XKR6: variants seen among roughly 807,000 people sequenced by gnomAD.
XKR6 encodes XK related 6.
Under a neutral mutation model 56.7 loss-of-function variants are expected in XKR6, and 22 were observed. The ratio of observed to expected loss-of-function variants is 0.39; its 90% CI spans 0.28 to 0.55. The LOEUF (loss-of-function observed/expected upper bound fraction) is 0.55. XKR6 is among the 20% of genes least tolerant of loss of function. The probability of loss-of-function intolerance (pLI) is 0.66; values close to 1 mark genes in which losing one functional copy is unlikely to be tolerated. For synonymous variants in XKR6, 524 were observed against 387.8 expected (o/e 1.35, Z -4.13); for missense variants, 852 against 889.0 (o/e 0.96, Z 0.53).
chr8:11,159,209 T>C (rs1330966018), intron 1 of XKR6, among the ~76,000 whole-genome samples: 1 of 152,226 alleles, frequency 6.6e-6, no homozygotes, highest in African/African-American at 2.4e-5. Flanking sequence ...CCCAATTCTT[T>C]GGGGTCTCAA....
intron 1 of XKR6, among the ~76,000 whole-genome samples, chr8:11,179,996 G>A (rs540461352): frequency 6.6e-6 from 1 of 152,060 alleles, no homozygotes; most frequent in African/African-American, 2.4e-5. Flanking sequence ...AAAAACAGCT[G>A]GGCATGGTGG....
intron 1 of XKR6, among the ~76,000 whole-genome samples, chr8:11,034,057 T>C (rs1469307772): frequency 6.6e-6 from 1 of 152,184 alleles, no homozygotes; most frequent in African/African-American, 2.4e-5. Flanking sequence ...GTGCCAACTG[T>C]CTGCAAAGCA....
chr8:11,019,819 G>A (rs1460299991), intron 1 of XKR6, among the ~76,000 whole-genome samples: 2 of 152,222 alleles, frequency 1.3e-5, no homozygotes, highest in Non-Finnish European at 2.9e-5. Flanking sequence ...CTCAGAAGCT[G>A]TGGCCTCTGA....
chr8:10,959,471 G>C (rs1431452336), intron 1 of XKR6, among the ~76,000 whole-genome samples: 2 of 152,170 alleles, frequency 1.3e-5, no homozygotes, highest in East Asian at 3.8e-4. Context: ...CTGGAGTCTG[G>C]GAAGTCTGAG....
intron 1 of XKR6, among the ~76,000 whole-genome samples, chr8:10,958,925 G>T (rs563000242): frequency 2.7e-4 from 41 of 152,314 alleles, no homozygotes; most frequent in African/African-American, 9.9e-4. Flanking sequence ...GGTGACAGCG[G>T]GTCTCACCTT....
intron 1 of XKR6, among the ~76,000 whole-genome samples, chr8:10,972,158 G>C (rs576052867): frequency 5.1e-4 from 78 of 152,276 alleles, no homozygotes; most frequent in African/African-American, 1.8e-3. Context: ...TCCGGGCCCA[G>C]CTGGGGCCTC....
intron 1 of XKR6, chr8:11,124,886 C>T (rs1303288708): frequency 6.6e-6 from 1 of 150,862 alleles, no homozygotes; most frequent in African/African-American, 2.4e-5. Flanking sequence ...AGATTGAGAC[C>T]ATCCTGGCTA....
chr8:11,040,409 G>A (rs1245258946), intron 1 of XKR6, among the ~76,000 whole-genome samples: 1 of 151,306 alleles, frequency 6.6e-6, no homozygotes, highest in Non-Finnish European at 1.5e-5. Context: ...GCACCCACCT[G>A]TAGACCCAGC....
chr8:11,164,270 G>C (rs1055606590), intron 1 of XKR6, among the ~76,000 whole-genome samples: 1 of 152,222 alleles, frequency 6.6e-6, no homozygotes, highest in Non-Finnish European at 1.5e-5. Flanking sequence ...CTCTGTAATT[G>C]TGTGGCATAG....
chr8:10,998,054 C>G (rs1354229127), intron 1 of XKR6, among the ~76,000 whole-genome samples: 1 of 152,116 alleles, frequency 6.6e-6, no homozygotes, highest in Non-Finnish European at 1.5e-5. Flanking sequence ...GACACCTATG[C>G]GTGCAGCAGG....
In XKR6 at chr8:11,037,217, C is replaced by G. The variant is rs1799168803; in HGVS notation, c.765-112387G>C. 2.0e-5 allele frequency among the ~76,000 whole-genome samples: 3 copies of G among 152,276 alleles called. No individual in the cohort carries two copies. In the South Asian group the frequency reaches 6.2e-4, roughly 32 times the overall value. On this transcript the variant is annotated intron_variant, in intron 1 of 2. Coordinates refer to ENST00000416569, the MANE Select transcript of XKR6 (RefSeq NM_173683.4). ...CACTTATGTGATTACATGAGTTGAT[C>G]AAGAATTTTAATACTTTTTTCTTTT...
chr8:11,147,338 C>G (rs1801034306), intron 1 of XKR6, among the ~76,000 whole-genome samples: 1 of 152,126 alleles, frequency 6.6e-6, no homozygotes. Flanking sequence ...AAAACATGTG[C>G]ATGAAATCTC....
chr8:10,898,109 G>T lies in XKR6; in HGVS notation c.1769C>A (p.Pro590Gln). 3 of 1,614,136 alleles carry T rather than the reference G, an allele frequency of 1.9e-6. No individual in the cohort carries two copies. Among genetic ancestry groups the T allele is most frequent in the Non-Finnish European group, 2.5e-6 (3 of 1,180,020 alleles). The change falls in exon 3 of 3, where the codon CCA becomes CAA. Residue 590 changes from proline to glutamine, a missense_variant. Pro to Gln is a moderately conservative substitution (Grantham distance 76). Transcript: ENST00000416569. The surrounding 1 kb of genome is among the most constrained non-coding windows in gnomAD (Gnocchi z 6.6). ...ATCCCAAGCTGGGTATCGCTTTCTT[G>T]GCATGTCAATCTTAATGAGGGGCCC... is the stretch of plus-strand genomic sequence containing the variant. ...PEGPLIKIDMPRKRYPAWDAH... is the reference protein window; with the variant it reads ...PEGPLIKIDMQRKRYPAWDAH...
chr8:11,083,104 T>G (rs1797780573), intron 1 of XKR6, among the ~76,000 whole-genome samples: 1 of 152,130 alleles, frequency 6.6e-6, no homozygotes, highest in Non-Finnish European at 1.5e-5. Context: ...GCTGCAGAAC[T>G]AGGCCACTCT....
At chr8:11,132,786 C>CACAT (rs61142313) in intron 1 of XKR6, among the ~76,000 whole-genome samples, 7,437 of 151,050 alleles carry the variant, frequency 0.049, 403 homozygotes, top group African/African-American at 0.12. Flanking sequence ...CACACACACA[C>CACAT]GCACATTTTT....
chr8:10,981,052 C>CT (rs1797723263), intron 1 of XKR6, among the ~76,000 whole-genome samples: 1 of 152,176 alleles, frequency 6.6e-6, no homozygotes, highest in Admixed American at 6.5e-5. Flanking sequence ...GCTGTAGATG[C>CT]TTTTTCCCAT....
chr8:11,010,761 G>T (rs1798481925), intron 1 of XKR6, among the ~76,000 whole-genome samples: 1 of 151,484 alleles, frequency 6.6e-6, no homozygotes. Context: ...TTCTAAAACA[G>T]TGGCCCCTCC....
Position 11,095,831 on chromosome 8 carries a change from C to T in XKR6, c.764+104745G>A, listed in dbSNP as rs115873269. On this transcript the variant is annotated intron_variant, in intron 1 of 2. Transcript: ENST00000416569. ...ATGCATATATCTGGTTAAGACTAGA[C>T]CACATTTAATTCATGGTTGTATGTT... Among the ~76,000 whole-genome samples, 644 of 152,248 alleles carry T rather than the reference C, an allele frequency of 4.2e-3. 12 individuals carry two copies. Among genetic ancestry groups the T allele is most frequent in the African/African-American group, 0.015 (619 of 41,538 alleles).
intron 1 of XKR6, among the ~76,000 whole-genome samples, chr8:10,976,444 T>G (rs559020546): frequency 1.3e-5 from 2 of 152,088 alleles, no homozygotes; most frequent in South Asian, 4.2e-4. Context: ...CAGTCCCCAT[T>G]TGCAGGACAG....
Sources: gnomAD v4.1 joint callset for allele counts (sites outside exome capture counted in the v4.1 genomes callset) on GRCh38, gnomAD v4.1.1 for gene constraint, Gnocchi (gnomAD v3.1) non-coding constraint, MANE v1.5 for transcripts, NCBI Gene and HGNC (gene_info 2026-07-23, HGNC 2026-07-21) for gene names.